Variants in DYSF observed in about 807,000 individuals in gnomAD.
The protein encoded by DYSF is dysferlin, also known as dystrophy-associated fer-1-like 1.
DYSF carries 212 observed loss-of-function variants against 274.9 expected under a neutral mutation model. That is an observed-to-expected ratio of 0.77 (90% confidence interval 0.69 to 0.86). DYSF has a LOEUF of 0.86. Among genes scored for constraint, DYSF ranks in the 40% least tolerant of loss-of-function variants. The pLI is 0.00. For missense variants in DYSF, 2,666 were observed against 2,783.2 expected (o/e 0.96, Z 0.95); for synonymous variants, 1,091 against 1,078.7 (o/e 1.01, Z -0.22).
chr2:71,472,166 C>A (rs1436831785), intron 1 of DYSF, among the ~76,000 whole-genome samples: 1 of 152,152 alleles, frequency 6.6e-6, no homozygotes, highest in Admixed American at 6.5e-5. Flanking sequence ...ATTATACAGT[C>A]ACTGTGAGGC....
chr2:71,642,164 C>G (rs1572910164), intron 41 of DYSF, among the ~76,000 whole-genome samples: 1 of 152,262 alleles, frequency 6.6e-6, no homozygotes, highest in East Asian at 1.9e-4. Context: ...TGACTCTGAG[C>G]CTGAGTTATA....
At chr2:71,538,615 T>C (rs926318457) in intron 16 of DYSF, among the ~76,000 whole-genome samples, 33 of 152,244 alleles carry the variant, frequency 2.2e-4, no homozygotes, top group Non-Finnish European at 3.8e-4. Context: ...TCCTGTGTGA[T>C]AAAGGCTAAA....
At chr2:71,466,698 C>T, upstream of DYSF, 1 of 1,382,778 alleles carries the variant, frequency 7.2e-7, no homozygotes, top group Non-Finnish European at 9.4e-7. Flanking sequence ...AGGCATTGGT[C>T]ACTTCTCCGC....
intron 41 of DYSF, among the ~76,000 whole-genome samples, chr2:71,634,380 C>T (rs1294393255): frequency 6.6e-6 from 1 of 152,178 alleles, no homozygotes; most frequent in Non-Finnish European, 1.5e-5. Context: ...CCATTAACAT[C>T]AGAGGGTTAG....
intron 45 of DYSF, among the ~76,000 whole-genome samples, chr2:71,660,925 T>C (rs1199267447): frequency 6.6e-6 from 1 of 151,994 alleles, no homozygotes; most frequent in Non-Finnish European, 1.5e-5. Flanking sequence ...GAGACCAGTC[T>C]GGGCAACATA....
chr2:71,482,189 G>A (rs2082970660), intron 3 of DYSF, among the ~76,000 whole-genome samples: 1 of 152,304 alleles, frequency 6.6e-6, no homozygotes, highest in South Asian at 2.1e-4. Flanking sequence ...CTACAGGGGA[G>A]GGAAGATGGG....
rs546074034 is a variant in DYSF, at chr2:71,512,852, G to A, written c.461-388G>A. ...AGCAGAGCTGTCTTGTTGGGGCTCA[G>A]CACTGTCCGAGCTTAGAGATGGGAG... On this transcript the variant is annotated intron_variant, in intron 5 of 55. Coordinates refer to ENST00000410020, the MANE Select transcript of DYSF (RefSeq NM_001130987.2). 4.6e-5 allele frequency among the ~76,000 whole-genome samples: 7 copies of A among 152,340 alleles called. No homozygotes were observed. In the South Asian group the frequency reaches 1.4e-3, roughly 32 times the overall value.
chr2:71,630,223 A>G (rs2559085), intron 41 of DYSF, among the ~76,000 whole-genome samples: 40,168 of 152,154 alleles, frequency 0.26, 6,469 homozygotes, highest in East Asian at 0.39. Flanking sequence ...CAGTAGTTTC[A>G]CTTTGCTGGT....
rs144636654 is a variant in DYSF at position 71,569,911 on chromosome 2, A to C, written c.2956A>C (p.Met986Leu). ...GCTTCCCGGAGGCCAGTGGATCTAC[A>C]TGAGTGACAACTACACCGATGTGGT... is the stretch of plus-strand genomic sequence containing the variant. ...TRLPGGQWIY[M>L]SDNYTDVNGE... Residue 986 changes from methionine (M) to leucine (L), a missense_variant, in exon 27 of 56, where the codon ATG becomes CTG. Around this residue, in one of 3 missense-constraint regions of DYSF, gnomAD observed 1,460 missense variants for 1,502.1 expected, o/e 0.97. Coordinates refer to ENST00000410020, the MANE Select transcript of DYSF (RefSeq NM_001130987.2). 1 of 1,614,096 alleles carries C rather than the reference A, an allele frequency of 6.2e-7. No individual in the cohort carries two copies. Among genetic ancestry groups the C allele is most frequent in the Admixed American group, 1.7e-5 (1 of 60,024 alleles).
chr2:71,553,001 C>G lies in DYSF; in HGVS notation c.1807-10C>G. The G allele has an allele frequency of 6.2e-7, 1 of 1,614,184 alleles. No individual in the cohort carries two copies. Among genetic ancestry groups the G allele is most frequent in the Non-Finnish European group, 8.5e-7 (1 of 1,180,028 alleles). On this transcript the variant is annotated splice_polypyrimidine_tract_variant and intron_variant, in intron 19 of 55. Transcript: ENST00000410020. ...CTCCCGTGACCCTCTGGTCTACTCT[C>G]TGCTCTCAGAAGTACCTTAGGAGGC...
At chr2:71,572,365 C>G (rs1553558980) in intron 29 of DYSF, among the ~76,000 whole-genome samples, 1 of 152,002 alleles carries the variant, frequency 6.6e-6, no homozygotes, top group African/African-American at 2.4e-5. Flanking sequence ...AGATCACACC[C>G]AGCACACCCA....
intron 42 of DYSF, among the ~76,000 whole-genome samples, chr2:71,648,086 G>A (rs745643107): frequency 3.3e-5 from 5 of 152,214 alleles, no homozygotes; most frequent in Middle Eastern, 3.4e-3. Context: ...TTTTTAAAAC[G>A]GTGTAGCCTG....
chr2:71,500,792 C>A (rs948064619), intron 3 of DYSF, among the ~76,000 whole-genome samples: 1 of 152,046 alleles, frequency 6.6e-6, no homozygotes, highest in Non-Finnish European at 1.5e-5. Context: ...CCCTGCCTCC[C>A]AGTCCCCAAG....
chr2:71,658,098 T>A (rs2094807067), intron 43 of DYSF, among the ~76,000 whole-genome samples: 1 of 152,260 alleles, frequency 6.6e-6, no homozygotes, highest in Non-Finnish European at 1.5e-5. Flanking sequence ...TTTTGAATGC[T>A]TTGCTGCTTA....
upstream of DYSF, among the ~76,000 whole-genome samples, chr2:71,466,445 C>T (rs1253368677): frequency 6.6e-6 from 1 of 152,192 alleles, no homozygotes; most frequent in African/African-American, 2.4e-5. Flanking sequence ...TCACCGGAGG[C>T]CCCCGCGGAG....
chr2:71,568,264 G>A lies in DYSF; in HGVS notation c.2790G>A (p.Lys930=). The A allele has an allele frequency of 6.2e-7, 1 of 1,614,234 alleles. No homozygotes were observed. The highest frequency in any genetic ancestry group is 8.5e-7 in the Non-Finnish European group (1 of 1,180,048). ...TTTCTGACGTCACGGGCAAGATCAA[G>A]CTACCCAAGGACAGCTTCCGCCCCT... The part of the protein sequence containing the change: ...PKFSDVTGKI[K]LPKDSFRPSA... Residue 930 remains lysine, a synonymous_variant, in exon 26 of 56, where the codon AAG becomes AAA. Transcript: ENST00000410020.
chr2:71,538,798 G>A (rs1206327588), intron 16 of DYSF, among the ~76,000 whole-genome samples: 1 of 152,128 alleles, frequency 6.6e-6, no homozygotes, highest in African/African-American at 2.4e-5. Flanking sequence ...CGGGAACCTG[G>A]CTCCCTGAAC....
chr2:71,553,290 A>G (rs1346103107), intron 20 of DYSF, 102 bp downstream of exon 20: 4 of 1,549,898 alleles, frequency 2.6e-6, no homozygotes, highest in Non-Finnish European at 2.6e-6. Context: ...AGTCTACTCA[A>G]AGGCCCTGGT....
rs2080933006 is a variant in DYSF, at chr2:71,453,723, G to A, written c.-276G>A. The A allele has an allele frequency of 1.3e-5, 7 of 520,562 alleles. No homozygotes were observed. In the East Asian group the frequency reaches 1.4e-4, roughly 10 times the overall value. 32.2% of individuals were successfully genotyped at this position (520,562 alleles called of 1,614,324 possible). On this transcript the variant is annotated 5_prime_UTR_variant, in exon 1 of 55. Coordinates refer to the DYSF transcript ENST00000258104. ...GACGGAGCTCGGGAAGGGCGGCGGG[G>A]GTGGAAGATGAGCAGAAGCCCCTGT...
Sources: gnomAD v4.1 joint callset for allele counts (sites outside exome capture counted in the v4.1 genomes callset) on GRCh38, gnomAD v4.1.1 for gene constraint, gnomAD v4.1.1 regional missense constraint, MANE v1.5 for transcripts, NCBI Gene and HGNC (gene_info 2026-07-23, HGNC 2026-07-21) for gene names.